MGAT4C: variants seen among roughly 807,000 people sequenced by gnomAD.
MGAT4C encodes the protein alpha-1,3-mannosyl-glycoprotein 4-beta-N-acetylglucosaminyltransferase C.
In MGAT4C, 19 loss-of-function variants were observed where a neutral mutation model predicts 40.1. The observed-to-expected ratio is 0.47, with a 90% CI of 0.33 to 0.70. The LOEUF (loss-of-function observed/expected upper bound fraction) is 0.70, where lower values mean the gene tolerates loss of function less well. Among genes scored for constraint, MGAT4C ranks in the 30% least tolerant of loss-of-function variants. The pLI is 0.02. For synonymous variants in MGAT4C, 181 were observed against 187.1 expected (o/e 0.97, Z 0.27); for missense variants, 491 against 563.2 (o/e 0.87, Z 1.30).
intron 2 of MGAT4C, among the ~76,000 whole-genome samples, chr12:86,616,844 A>C (rs1962465776): frequency 6.6e-6 from 1 of 152,066 alleles, no homozygotes; most frequent in Admixed American, 6.6e-5. Context: ...GATATTGCAA[A>C]CCATTTAGAC....
chr12:86,470,851 G>T (rs1293115597), intron 2 of MGAT4C, among the ~76,000 whole-genome samples: 4 of 151,742 alleles, frequency 2.6e-5, no homozygotes, highest in Admixed American at 6.6e-5. Context: ...GCTCCTCTCC[G>T]TATCTATGTA....
intron 2 of MGAT4C, among the ~76,000 whole-genome samples, chr12:86,538,389 C>T (rs576264496): frequency 3.3e-5 from 5 of 152,090 alleles, no homozygotes; most frequent in Middle Eastern, 3.2e-3. Flanking sequence ...TGGCTGGACA[C>T]CAGGCACTAC....
intron 1 of MGAT4C, among the ~76,000 whole-genome samples, chr12:86,144,353 T>G (rs975778757): frequency 1.1e-4 from 16 of 152,214 alleles, no homozygotes; most frequent in African/African-American, 3.9e-4. Context: ...TAGATTCTCC[T>G]AATTGAAACT....
rs146211521 is a variant in MGAT4C, at chr12:86,720,657, GA to G, written c.-229+6551del. ...GGCTTACCTGGATCAGGAGCAATAA[GA>G]AAAAAATTAAATACAGGACATGATT... On this transcript the variant is annotated intron_variant, in intron 2 of 7. Transcript: ENST00000548651. 0.017 allele frequency among the ~76,000 whole-genome samples: 2,553 copies of G among 151,976 alleles called. 142 individuals are homozygous for G. In the East Asian group the frequency reaches 0.19, roughly 11 times the overall value.
At chr12:86,522,767 A>G (rs1958817176) in intron 2 of MGAT4C, among the ~76,000 whole-genome samples, 2 of 152,000 alleles carry the variant, frequency 1.3e-5, no homozygotes, top group African/African-American at 2.4e-5. Context: ...TACTGATTCA[A>G]TTTTGGAGCT....
At chr12:86,054,275 A>G (rs1212802035) in intron 1 of MGAT4C, among the ~76,000 whole-genome samples, 1 of 152,060 alleles carries the variant, frequency 6.6e-6, no homozygotes, top group Non-Finnish European at 1.5e-5. Context: ...CACATCATGG[A>G]TGAACCCAGA....
At chr12:86,362,891 G>A (rs61949470) in intron 3 of MGAT4C, among the ~76,000 whole-genome samples, 12,477 of 142,840 alleles carry the variant, frequency 0.087, 752 homozygotes, top group Middle Eastern at 0.22. Context: ...AAAAGCATAT[G>A]AGGGTGTATA....
At chr12:86,821,160 G>T (rs887974199) in intron 1 of MGAT4C, among the ~76,000 whole-genome samples, 6 of 150,818 alleles carry the variant, frequency 4.0e-5, no homozygotes, top group African/African-American at 1.2e-4. Flanking sequence ...TACATGCAGA[G>T]AAATTTTAGA....
intron 2 of MGAT4C, among the ~76,000 whole-genome samples, chr12:85,995,994 A>C (rs1280233464): frequency 1.3e-5 from 2 of 152,240 alleles, no homozygotes; most frequent in Non-Finnish European, 2.9e-5. Context: ...ATTATTTTGC[A>C]TAACTTAACT....
chr12:86,737,388 C>T (rs1417230109), intron 1 of MGAT4C, among the ~76,000 whole-genome samples: 2 of 145,330 alleles, frequency 1.4e-5, no homozygotes, highest in Middle Eastern at 3.3e-3. Flanking sequence ...TAATAACACA[C>T]GGGCCTGGTT....
chr12:86,150,383 AAAT>A (rs1884122634), intron 1 of MGAT4C, among the ~76,000 whole-genome samples: 1 of 152,322 alleles, frequency 6.6e-6, no homozygotes. Context: ...ACTGCCTGGC[AAAT>A]AATACACGTT....
intron 4 of MGAT4C, among the ~76,000 whole-genome samples, chr12:86,315,579 G>C (rs1292351206): frequency 6.6e-6 from 1 of 152,008 alleles, no homozygotes; most frequent in East Asian, 1.9e-4. Context: ...GGTGGCGGGC[G>C]CCTGTAGTCC....
At chr12:86,743,137 T>C (rs1951099717) in intron 1 of MGAT4C, among the ~76,000 whole-genome samples, 1 of 151,214 alleles carries the variant, frequency 6.6e-6, no homozygotes, top group Non-Finnish European at 1.5e-5. Flanking sequence ...TGTGTGTGTG[T>C]GTGTGTGTGT....
intron 1 of MGAT4C, among the ~76,000 whole-genome samples, chr12:86,754,951 T>C (rs1267323755): frequency 6.6e-6 from 1 of 152,110 alleles, no homozygotes; most frequent in Non-Finnish European, 1.5e-5. Context: ...GGTGAGTCTC[T>C]CAAATAATTT....
At position 86,075,234 on chromosome 12, in the gene MGAT4C, T is replaced by C. The variant is rs185504217; in HGVS notation, c.-56-25511A>G. Among the ~76,000 whole-genome samples, 6 of 152,202 alleles carry C rather than the reference T, an allele frequency of 3.9e-5. No homozygotes were observed. The East Asian group carries it at 1.2e-3, about 29-fold the overall frequency. On this transcript the variant is annotated intron_variant, in intron 1 of 4. Coordinates refer to ENST00000611864, the MANE Select transcript of MGAT4C (RefSeq NM_001351288.2). ...GGAGAAATTGGCCAACGCCAAGGGG[T>C]TACAGGACCATGCAAGTCTGAAATC...
intron 3 of MGAT4C, among the ~76,000 whole-genome samples, chr12:86,337,848 T>C (rs188088234): frequency 6.6e-6 from 1 of 152,284 alleles, no homozygotes; most frequent in East Asian, 1.9e-4. Flanking sequence ...TTATCCTTGT[T>C]TGGATGATGA....
chr12:86,364,115 G>A (rs375055055), intron 3 of MGAT4C, among the ~76,000 whole-genome samples: 61 of 151,970 alleles, frequency 4.0e-4, no homozygotes, highest in African/African-American at 1.4e-3. Flanking sequence ...TGTTGGTCCT[G>A]TAATTCTAAG....
chr12:86,205,281 G>A (rs1252296525), intron 1 of MGAT4C, among the ~76,000 whole-genome samples: 1 of 151,172 alleles, frequency 6.6e-6, no homozygotes, highest in African/African-American at 2.4e-5. Flanking sequence ...ATTCATATAT[G>A]CATTGAAAAA....
chr12:86,806,647 C>G (rs1952361153), intron 1 of MGAT4C, among the ~76,000 whole-genome samples: 1 of 151,958 alleles, frequency 6.6e-6, no homozygotes, highest in Non-Finnish European at 1.5e-5. Context: ...AGTCCCTGTC[C>G]CTAACCACTA....
Sources: gnomAD v4.1 joint callset for allele counts (sites outside exome capture counted in the v4.1 genomes callset) on GRCh38, gnomAD v4.1.1 for gene constraint, MANE v1.5 for transcripts, NCBI Gene and HGNC (gene_info 2026-07-23, HGNC 2026-07-21) for gene names.